The following FRMPD3 variants were observed in gnomAD, a reference collection of about 807,000 sequenced individuals.
FRMPD3 encodes FERM and PDZ domain-containing protein 3.
A neutral mutation model predicts 97.9 loss-of-function variants in FRMPD3; 42 were observed. The observed-to-expected ratio is 0.43, with a 90% confidence interval of 0.34 to 0.55. The LOEUF is 0.55. Ranked by LOEUF, FRMPD3 falls within the 20% of genes least tolerant of loss-of-function variation. The pLI is 0.03. For synonymous variants in FRMPD3, 577 were observed against 581.1 expected (o/e 0.99, Z 0.10); for missense variants, 1,303 against 1,457.7 (o/e 0.89, Z 1.73).
rs35096358 is a variant in FRMPD3 at position 107,592,793 on chromosome X, CTT to C, written c.1442-4508_1442-4507del. ...TTTTTATTTTTAAATTATGACCATTCTTTTTTTTTTTTTTTTTTTTTGACAGA... is the reference window on the plus strand; with the variant it reads ...TTTTTATTTTTAAATTATGACCATTCTTTTTTTTTTTTTTTTTTTGACAGA... On this transcript the variant is annotated intron_variant, in intron 13 of 14. Coordinates refer to ENST00000683843, the MANE Select transcript of FRMPD3 (RefSeq NM_001388459.1). 7.3e-3 allele frequency among the ~76,000 whole-genome samples: 522 copies of C among 71,315 alleles called. 2 individuals carry two copies. The highest frequency in any genetic ancestry group is 0.031 in the African/African-American group (460 of 14,735). 61.9% of individuals were successfully genotyped at this position (71,315 alleles called of 115,157 possible).
chrX:107,546,446 CAA>C (rs1328149743), intron 5 of FRMPD3, among the ~76,000 whole-genome samples: 2 of 111,943 alleles, frequency 1.8e-5, no homozygotes, highest in African/African-American at 6.5e-5. Context: ...CAGATTGAGA[CAA>C]TACAAAATCT....
At chrX:107,543,373 C>T (rs1160062107) in intron 4 of FRMPD3, among the ~76,000 whole-genome samples, 1 of 111,005 alleles carries the variant, frequency 9.0e-6, no homozygotes, top group African/African-American at 3.3e-5. Flanking sequence ...GTTCTTCATA[C>T]ACCTCAATTC....
chrX:107,520,224 C>A (rs1602769933), intron 1 of FRMPD3, among the ~76,000 whole-genome samples: 1 of 110,788 alleles, frequency 9.0e-6, no homozygotes, highest in Admixed American at 9.6e-5. Flanking sequence ...ATAGGTGAGC[C>A]GCTGGGTGTG....
At chrX:107,451,533 C>T (rs958946046) in intron 1 of FRMPD3, among the ~76,000 whole-genome samples, 1 of 112,403 alleles carries the variant, frequency 8.9e-6, no homozygotes, top group African/African-American at 3.2e-5. Context: ...GGGAACCCAG[C>T]TGCCAGCTTC....
At chrX:107,552,656 T>C (rs778992988) in intron 6 of FRMPD3, 139 bp from the exon 7 acceptor site, 28 of 644,154 alleles carry the variant, frequency 4.3e-5, no homozygotes, top group Non-Finnish European at 5.9e-5. Flanking sequence ...CCTGGGCTAC[T>C]ATAAAGGCCA....
At chrX:107,544,149 C>A (rs907525758) in intron 4 of FRMPD3, among the ~76,000 whole-genome samples, 1 of 111,230 alleles carries the variant, frequency 9.0e-6, no homozygotes, top group African/African-American at 3.3e-5. Flanking sequence ...CACAGAAAGA[C>A]AAATACCACA....
chrX:107,473,670 C>T (rs950080274), intron 1 of FRMPD3, among the ~76,000 whole-genome samples: 4 of 112,247 alleles, frequency 3.6e-5, no homozygotes, highest in African/African-American at 1.3e-4. Flanking sequence ...ACTCTTTTAC[C>T]CTCACCCCCA....
At chrX:107,479,100 G>T (rs990495871) in intron 1 of FRMPD3, among the ~76,000 whole-genome samples, 1 of 112,519 alleles carries the variant, frequency 8.9e-6, no homozygotes, top group Non-Finnish European at 1.9e-5. Context: ...CTGTTTCGTG[G>T]CCTTTATACT....
intron 1 of FRMPD3, among the ~76,000 whole-genome samples, chrX:107,526,370 C>A (rs778989804): frequency 2.3e-4 from 26 of 111,732 alleles, no homozygotes; most frequent in African/African-American, 7.5e-4. Context: ...GGCTGTAGCC[C>A]TGAAGACAGT....
intron 12 of FRMPD3, among the ~76,000 whole-genome samples, chrX:107,575,921 G>A (rs1315014905): frequency 9.0e-6 from 1 of 111,611 alleles, no homozygotes; most frequent in African/African-American, 3.3e-5. Context: ...ACTTAGAATC[G>A]AGGGTGTTCT....
At chrX:107,484,095 G>A (rs996392597) in intron 1 of FRMPD3, among the ~76,000 whole-genome samples, 20 of 112,079 alleles carry the variant, frequency 1.8e-4, no homozygotes, top group Admixed American at 6.6e-4. Context: ...GAGTCAGGTG[G>A]GTCCTTGAGA....
chrX:107,501,531 GC>G (rs1921910355), intron 1 of FRMPD3, among the ~76,000 whole-genome samples: 1 of 71,214 alleles, frequency 1.4e-5, no homozygotes, highest in Non-Finnish European at 2.5e-5. Context: ...ACCGCGCCCG[GC>G]CTGTCTCCTA....
chrX:107,528,391 G>A (rs1008396949), intron 2 of FRMPD3, among the ~76,000 whole-genome samples: 1 of 111,665 alleles, frequency 9.0e-6, no homozygotes, highest in Non-Finnish European at 1.9e-5. Context: ...AAAGGAGGTT[G>A]AGTTCCATGA....
chrX:107,538,588 A>C (rs1921126594), intron 4 of FRMPD3, among the ~76,000 whole-genome samples: 1 of 107,657 alleles, frequency 9.3e-6, no homozygotes, highest in Non-Finnish European at 1.9e-5. Flanking sequence ...ACAATCTGCA[A>C]GTCTCCTTCT....
chrX:107,542,324 T>G (rs1369844117), intron 4 of FRMPD3, among the ~76,000 whole-genome samples: 1 of 112,420 alleles, frequency 8.9e-6, no homozygotes, highest in African/African-American at 3.2e-5. Flanking sequence ...TATTGTCTGC[T>G]GCCAACAAAT....
intron 12 of FRMPD3, among the ~76,000 whole-genome samples, chrX:107,571,878 A>G (rs941438110): frequency 8.9e-6 from 1 of 111,814 alleles, no homozygotes; most frequent in Non-Finnish European, 1.9e-5. Context: ...AGCCAATGCT[A>G]TTTTCTCAAA....
chrX:107,502,553 C>A (rs769230554), intron 1 of FRMPD3, among the ~76,000 whole-genome samples: 1 of 111,387 alleles, frequency 9.0e-6, no homozygotes, highest in African/African-American at 3.3e-5. Flanking sequence ...TCCTCCACCC[C>A]TGCTGCCTAC....
rs967840885 is a variant in FRMPD3 at position 107,546,690 on chromosome X, GTTAGTGA to G, written c.402+851_402+857del. ...CCGAGTCCTTCAGGAATCTGCAGAA[GTTAGTGA>G]TAACCTGGTGGGGACAGAGGGGATA... On this transcript the variant is annotated intron_variant, in intron 5 of 14. Transcript: ENST00000683843. 4.5e-5 allele frequency among the ~76,000 whole-genome samples: 5 copies of G among 112,325 alleles called. No individual in the cohort carries two copies. In the Admixed American group the frequency reaches 4.7e-4, roughly 11 times the overall value.
chrX:107,547,763 G>A (rs951725236), intron 5 of FRMPD3, among the ~76,000 whole-genome samples: 8 of 111,801 alleles, frequency 7.2e-5, no homozygotes, highest in African/African-American at 2.0e-4. Flanking sequence ...CTTTCCTTTC[G>A]TGTTCCAAGG....
Sources: allele counts gnomAD v4.1 joint callset (sites outside exome capture counted in the v4.1 genomes callset), GRCh38; gene constraint gnomAD v4.1.1; transcripts MANE v1.5; gene names NCBI Gene and HGNC (gene_info 2026-07-23, HGNC 2026-07-21).